KIAA1549: variants seen among roughly 807,000 people sequenced by gnomAD.
KIAA1549 encodes the protein UPF0606 protein KIAA1549.
Under a neutral mutation model 156.4 loss-of-function variants are expected in KIAA1549, and 70 were observed. That is an observed-to-expected ratio of 0.45 (90% CI 0.37 to 0.55). The LOEUF (loss-of-function observed/expected upper bound fraction) is 0.55, where lower values mean the gene tolerates loss of function less well. Among genes scored for constraint, KIAA1549 ranks in the 20% least tolerant of loss-of-function variants. The pLI, the probability that KIAA1549 is intolerant of heterozygous loss-of-function variation, is 0.00. For missense variants in KIAA1549, 2,428 were observed against 2,540.9 expected (o/e 0.96, Z 0.96); for synonymous variants, 1,103 against 1,066.4 (o/e 1.03, Z -0.67).
intron 1 of KIAA1549, among the ~76,000 whole-genome samples, chr7:138,966,446 C>T (rs929848122): frequency 6.6e-6 from 1 of 152,012 alleles, no homozygotes; most frequent in Non-Finnish European, 1.5e-5. Flanking sequence ...CTCACACAAT[C>T]CCAAGGTTCC....
At chr7:138,854,113 G>T (rs1488657075) in intron 16 of KIAA1549, among the ~76,000 whole-genome samples, 1 of 152,182 alleles carries the variant, frequency 6.6e-6, no homozygotes, top group Non-Finnish European at 1.5e-5. Flanking sequence ...TTCTGTTGCA[G>T]GATGGATCAC....
In KIAA1549 at chr7:138,835,259, G is replaced by A. The variant is rs1809674650; in HGVS notation, c.*2647C>T. On this transcript the variant is annotated 3_prime_UTR_variant, in exon 20 of 20. Transcript: ENST00000422774. ...GCAAAACTGTTGTGGCAGGCGTCGA[G>A]AGGAAGCAAGTACAAACTGTGTGTG... The A allele has an allele frequency of 4.7e-6, 1 of 214,492 alleles. No individual in the cohort carries two copies. 13.3% of individuals were successfully genotyped at this position (214,492 alleles called of 1,614,324 possible).
chr7:138,887,161 C>A (rs181015334), intron 10 of KIAA1549, among the ~76,000 whole-genome samples: 1 of 152,198 alleles, frequency 6.6e-6, no homozygotes, highest in East Asian at 1.9e-4. Context: ...CCGCCTGCTT[C>A]AGCCTCCCAA....
At position 138,919,035 on chromosome 7, in the gene KIAA1549, T is replaced by C. The variant is rs1196910268; in HGVS notation, c.591A>G (p.Ser197=). ...CATCTTGTAAAGAAACCATGGGTAA[T>C]GATGGAGTGAGCATAGGTTCTAATG... ...REALEPMLTP[S]LPMVSLQDEE... The change falls in exon 2 of 20, where the codon TCA becomes TCG. Residue 197 remains serine (S), a synonymous_variant. Transcript: ENST00000422774. The C allele has an allele frequency of 2.5e-6, 4 of 1,614,022 alleles. No individual in the cohort carries two copies. The South Asian group carries it at 4.4e-5, about 18-fold the overall frequency.
chr7:138,951,166 A>C (rs951964956), intron 1 of KIAA1549, among the ~76,000 whole-genome samples: 1 of 152,076 alleles, frequency 6.6e-6, no homozygotes, highest in African/African-American at 2.4e-5. Flanking sequence ...CTCCAGGTCA[A>C]GCGATTCTCC....
At chr7:138,884,799 C>T (rs1363117551) in intron 10 of KIAA1549, among the ~76,000 whole-genome samples, 1 of 152,232 alleles carries the variant, frequency 6.6e-6, no homozygotes, top group African/African-American at 2.4e-5. Flanking sequence ...CTGAAACACA[C>T]CTATGACTTG....
intron 17 of KIAA1549, among the ~76,000 whole-genome samples, chr7:138,845,117 T>C (rs555491841): frequency 2.6e-5 from 4 of 152,288 alleles, no homozygotes; most frequent in African/African-American, 9.6e-5. Context: ...GTGGATTGTA[T>C]CGCTATTTAC....
At position 138,917,445 on chromosome 7, in the gene KIAA1549, G is replaced by A. The variant is rs201109912; in HGVS notation, c.2181C>T (p.Leu727=). Residue 727 remains leucine, a synonymous_variant, in exon 2 of 20, where the codon CTC becomes CTT. Coordinates refer to ENST00000422774, the MANE Select transcript of KIAA1549 (RefSeq NM_001164665.2). Reference sequence around the variant, plus strand: ...AAACCGTAGACGCTTCAACAAACTCGAGAGAATCAGAAGGGAAGCTTGACC... The same window carrying A: ...AAACCGTAGACGCTTCAACAAACTCAAGAGAATCAGAAGGGAAGCTTGACC... ...SPWSSFPSDS[L]EFVEASTVSL... is the part of the protein sequence containing the mutation. 862 of 1,613,814 alleles carry A rather than the reference G, an allele frequency of 5.3e-4. 6 individuals carry two copies. Among genetic ancestry groups the A allele is most frequent in the Middle Eastern group, 3.3e-4 (2 of 6,084 alleles).
At chr7:138,912,250 A>G in intron 3 of KIAA1549, 122 bp downstream of exon 3, 1 of 744,640 alleles carries the variant, frequency 1.3e-6, no homozygotes, top group Non-Finnish European at 2.4e-6. Context: ...AACCAGGAAC[A>G]GACAAGAGGG....
At chr7:138,891,834 C>A (rs1237070340) in intron 10 of KIAA1549, among the ~76,000 whole-genome samples, 1 of 152,158 alleles carries the variant, frequency 6.6e-6, no homozygotes, top group Non-Finnish European at 1.5e-5. Flanking sequence ...CTGCACATTA[C>A]CCTGAGGACG....
At chr7:138,890,433 C>T (rs1304842211) in intron 10 of KIAA1549, among the ~76,000 whole-genome samples, 2 of 152,246 alleles carry the variant, frequency 1.3e-5, no homozygotes, top group Non-Finnish European at 2.9e-5. Context: ...ATTTGTGAAA[C>T]GTCACCACAA....
At chr7:138,979,464 C>T (rs906579042) in intron 1 of KIAA1549, among the ~76,000 whole-genome samples, 1 of 152,208 alleles carries the variant, frequency 6.6e-6, no homozygotes, top group African/African-American at 2.4e-5. Flanking sequence ...CCTTAGTTTC[C>T]TCATCTGTAA....
chr7:138,910,950 C>A (rs373841908), intron 4 of KIAA1549, among the ~76,000 whole-genome samples, 196 bp downstream of exon 4: 1 of 151,712 alleles, frequency 6.6e-6, no homozygotes, highest in African/African-American at 2.4e-5. Context: ...GAGGATTGTT[C>A]GAGCTCAGGG....
chr7:138,962,138 G>A (rs1813872209), intron 1 of KIAA1549, among the ~76,000 whole-genome samples: 1 of 152,080 alleles, frequency 6.6e-6, no homozygotes, highest in African/African-American at 2.4e-5. Context: ...AGGGTTATCA[G>A]GATTACATGG....
chr7:138,886,906 TATG>T (rs1409021200), intron 10 of KIAA1549, among the ~76,000 whole-genome samples: 2 of 152,106 alleles, frequency 1.3e-5, no homozygotes, highest in Non-Finnish European at 2.9e-5. Context: ...ATGTATTTAT[TATG>T]ATTTTTTTTT....
At chr7:138,896,929 G>A (rs1811699488) in intron 9 of KIAA1549, among the ~76,000 whole-genome samples, 1 of 152,078 alleles carries the variant, frequency 6.6e-6, no homozygotes, top group Non-Finnish European at 1.5e-5. Context: ...GGAAAACCCT[G>A]ATGAGGCAGA....
At chr7:138,962,104 C>T (rs1429627123) in intron 1 of KIAA1549, among the ~76,000 whole-genome samples, 2 of 152,110 alleles carry the variant, frequency 1.3e-5, no homozygotes, top group Non-Finnish European at 2.9e-5. Context: ...TGAGTTACTT[C>T]ATCTCCTTAT....
At chr7:138,883,180 G>A (rs1408167506) in intron 10 of KIAA1549, among the ~76,000 whole-genome samples, 1 of 149,664 alleles carries the variant, frequency 6.7e-6, no homozygotes, top group African/African-American at 2.5e-5. Flanking sequence ...GGGTGAGGCA[G>A]GAGAATCACT....
chr7:138,932,964 G>C (rs1347588506), intron 1 of KIAA1549, among the ~76,000 whole-genome samples: 1 of 152,198 alleles, frequency 6.6e-6, no homozygotes, highest in African/African-American at 2.4e-5. Flanking sequence ...GGGAGACATG[G>C]GAAAACCAGG....
Sources: gnomAD v4.1 joint callset for allele counts (sites outside exome capture counted in the v4.1 genomes callset) on GRCh38, gnomAD v4.1.1 for gene constraint, MANE v1.5 for transcripts, NCBI Gene and HGNC (gene_info 2026-07-23, HGNC 2026-07-21) for gene names.